The following RNF144B variants were observed in gnomAD, a reference collection of about 807,000 sequenced individuals.
The protein encoded by RNF144B is E3 ubiquitin-protein ligase RNF144B.
In RNF144B, 25 loss-of-function variants were observed where a neutral mutation model predicts 40.2. The observed-to-expected ratio is 0.62, with a 90% CI of 0.45 to 0.87. The LOEUF (loss-of-function observed/expected upper bound fraction) is 0.87. RNF144B is among the 40% of genes least tolerant of loss of function. The pLI, the probability that RNF144B is intolerant of heterozygous loss-of-function variation, is 0.00. For missense variants in RNF144B, 365 were observed against 373.7 expected (o/e 0.98, Z 0.19); for synonymous variants, 145 against 136.3 (o/e 1.06, Z -0.44).
intron 3 of RNF144B, among the ~76,000 whole-genome samples, chr6:18,427,982 C>G (rs1299094122): frequency 6.6e-6 from 1 of 152,126 alleles, no homozygotes; most frequent in African/African-American, 2.4e-5. Context: ...TGATTTGGCT[C>G]TGTGTCCCCA....
At chr6:18,409,092 T>C (rs1794977003) in intron 2 of RNF144B, among the ~76,000 whole-genome samples, 1 of 151,980 alleles carries the variant, frequency 6.6e-6, no homozygotes, top group African/African-American at 2.4e-5. Flanking sequence ...CACAATTCTA[T>C]AGAAACTGGA....
In RNF144B at chr6:18,460,306, G is replaced by A. The variant is rs924691014; in HGVS notation, c.681+555G>A. Reference sequence around the variant, plus strand: ...TCTCTCACTCCCTTCTTTCTTAGTCGTTGCTCCCTCTGACCACAGCTGGGA... The same window carrying A: ...TCTCTCACTCCCTTCTTTCTTAGTCATTGCTCCCTCTGACCACAGCTGGGA... On this transcript the variant is annotated intron_variant, in intron 6 of 7. Transcript: ENST00000259939. This position sits in a 1 kb window ranked among gnomAD's most constrained non-coding sequence, Gnocchi z 4.4. Among the ~76,000 whole-genome samples, 1 of 152,064 alleles carries A rather than the reference G, an allele frequency of 6.6e-6. No homozygotes were observed. Among genetic ancestry groups the A allele is most frequent in the Non-Finnish European group, 1.5e-5 (1 of 68,020 alleles).
At chr6:18,439,661 A>C (rs754222618) in intron 3 of RNF144B, 23 bp from the exon 4 acceptor site, 1 of 1,590,564 alleles carries the variant, frequency 6.3e-7, no homozygotes, top group Admixed American at 1.7e-5. Context: ...TGAAGTCTCA[A>C]CCTTTTATGT....
rs763844613 is a variant in RNF144B at position 18,457,291 on chromosome 6, C to T, written c.468C>T (p.Cys156=). 5.0e-6 allele frequency: 8 copies of T among 1,614,184 alleles called. No individual in the cohort carries two copies. Among genetic ancestry groups the T allele is most frequent in the East Asian group, 2.2e-5 (1 of 44,870 alleles). ...PSCHLKFCSC[C]KDAWHAEVSC... ...GCCACCTGAAATTCTGCTCGTGTTGCAAGGATGCTTGGCATGCAGAGGTCT... is the reference window on the plus strand; with the variant it reads ...GCCACCTGAAATTCTGCTCGTGTTGTAAGGATGCTTGGCATGCAGAGGTCT... The change falls in exon 5 of 8, where the codon TGC becomes TGT. Residue 156 remains cysteine, a synonymous_variant. Coordinates refer to ENST00000259939, the MANE Select transcript of RNF144B (RefSeq NM_182757.4). The surrounding 1 kb of genome is among the most constrained non-coding windows in gnomAD (Gnocchi z 5.1).
rs1157544870 is a variant in RNF144B, at chr6:18,395,550, A to G, written c.-36-3949A>G. Among the ~76,000 whole-genome samples, 3 of 151,688 alleles carry G rather than the reference A, an allele frequency of 2.0e-5. No individual in the cohort carries two copies. The highest frequency in any genetic ancestry group is 4.4e-5 in the Non-Finnish European group (3 of 67,962). On this transcript the variant is annotated intron_variant, in intron 1 of 7. Coordinates refer to ENST00000259939, the MANE Select transcript of RNF144B (RefSeq NM_182757.4). The surrounding 1 kb of genome is among the most constrained non-coding windows in gnomAD (Gnocchi z 4.5). ...GAAGAGCTCATTTTGCAATGAATCA[A>G]TGGTGAAAGGATTTCTTGTTTGATA...
intron 2 of RNF144B, among the ~76,000 whole-genome samples, chr6:18,423,521 C>T (rs1403563761): frequency 6.6e-6 from 1 of 152,106 alleles, no homozygotes; most frequent in East Asian, 1.9e-4. Flanking sequence ...TTTGCCATGT[C>T]CATCATAATA....
chr6:18,449,697 G>GTATATATATATATATATATA (rs70974745), intron 4 of RNF144B, among the ~76,000 whole-genome samples: 11 of 149,284 alleles, frequency 7.4e-5, no homozygotes, highest in Admixed American at 4.0e-4. Flanking sequence ...GTGTTTTGAA[G>GTATATATATATATATATATA]TATATATATA....
rs138797625 is a variant in RNF144B, at chr6:18,405,772, A to T, written c.165+6073A>T. 9.8e-5 allele frequency among the ~76,000 whole-genome samples: 15 copies of T among 152,340 alleles called. No individual in the cohort carries two copies. The East Asian group carries it at 2.9e-3, about 29-fold the overall frequency. On this transcript the variant is annotated intron_variant, in intron 2 of 7. Coordinates refer to ENST00000259939, the MANE Select transcript of RNF144B (RefSeq NM_182757.4). This position sits in a 1 kb window ranked among gnomAD's most constrained non-coding sequence, Gnocchi z 4.5. ...GAAATGGATTAGAGATGACTCAAGGAGGAGCTGGCTTCCTGGACCTATGAT... is the reference window on the plus strand; with the variant it reads ...GAAATGGATTAGAGATGACTCAAGGTGGAGCTGGCTTCCTGGACCTATGAT...
In RNF144B at chr6:18,460,885, A is replaced by C. The variant is rs977695460; in HGVS notation, c.681+1134A>C. On this transcript the variant is annotated intron_variant, in intron 6 of 7. Transcript: ENST00000259939. This position sits in a 1 kb window ranked among gnomAD's most constrained non-coding sequence, Gnocchi z 4.4. ...TTGGGGTAACATAAGTTGTTTATAG[A>C]TAACACTCTGTTTTGGCAATTTGGA... is the stretch of plus-strand genomic sequence containing the variant. Among the ~76,000 whole-genome samples the C allele has an allele frequency of 6.6e-6, 1 of 152,222 alleles. No homozygotes were observed. The highest frequency in any genetic ancestry group is 2.4e-5 in the African/African-American group (1 of 41,464).
chr6:18,403,485 T>G (rs1794833099), intron 2 of RNF144B, among the ~76,000 whole-genome samples: 1 of 152,238 alleles, frequency 6.6e-6, no homozygotes, highest in Non-Finnish European at 1.5e-5. Context: ...ATTCTTGCCT[T>G]TTTTCCATTA....
At position 18,391,663 on chromosome 6, in the gene RNF144B, C is replaced by T. The variant is rs372545090; in HGVS notation, c.-37+4033C>T. Reference sequence around the variant, plus strand: ...TGGGCTGATCACGAGGTCAGGAGATCGAGACCATCCTGGCAAACACGGTGA... The same window carrying T: ...TGGGCTGATCACGAGGTCAGGAGATTGAGACCATCCTGGCAAACACGGTGA... On this transcript the variant is annotated intron_variant, in intron 1 of 7. Coordinates refer to ENST00000259939, the MANE Select transcript of RNF144B (RefSeq NM_182757.4). Among the ~76,000 whole-genome samples the T allele has an allele frequency of 3.3e-5, 5 of 151,208 alleles. No individual in the cohort carries two copies. In the East Asian group the frequency reaches 7.9e-4, roughly 24 times the overall value.
intron 2 of RNF144B, among the ~76,000 whole-genome samples, chr6:18,424,598 A>G (rs1758506804): frequency 1.3e-5 from 2 of 150,694 alleles, no homozygotes; most frequent in African/African-American, 4.9e-5. Flanking sequence ...TGTGGTTTGT[A>G]GTGTACCTAG....
chr6:18,417,653 AT>A (rs753296397), intron 2 of RNF144B, among the ~76,000 whole-genome samples: 11 of 152,080 alleles, frequency 7.2e-5, no homozygotes, highest in Non-Finnish European at 1.6e-4. Context: ...AAATAGAAAA[AT>A]TTTCATGATC....
In RNF144B at chr6:18,468,473, G is replaced by T. The variant is rs554604842; in HGVS notation, c.*3406G>T. ...TTCATGAAAATATCTACTTATCCAG[G>T]TTTGCAAATGTACATGTTCATTTGA... On this transcript the variant is annotated 3_prime_UTR_variant, in exon 8 of 8. Coordinates refer to ENST00000259939, the MANE Select transcript of RNF144B (RefSeq NM_182757.4). 7 of 152,102 alleles carry T rather than the reference G, an allele frequency of 4.6e-5. No individual in the cohort carries two copies. The highest frequency in any genetic ancestry group is 7.4e-5 in the Non-Finnish European group (5 of 68,016). 9.4% of individuals were successfully genotyped at this position (152,102 alleles called of 1,614,324 possible). A position where few individuals can be genotyped will look rare whatever the true frequency, so the allele number is the denominator to read the frequency against.
At chr6:18,438,268 T>G (rs1350513159) in intron 3 of RNF144B, among the ~76,000 whole-genome samples, 1 of 152,180 alleles carries the variant, frequency 6.6e-6, no homozygotes, top group Non-Finnish European at 1.5e-5. Flanking sequence ...CTGGGTAGCA[T>G]TATAACAGAT....
intron 1 of RNF144B, among the ~76,000 whole-genome samples, chr6:18,389,778 G>A (rs1582392708): frequency 6.6e-6 from 1 of 152,314 alleles, no homozygotes; most frequent in South Asian, 2.1e-4. Context: ...GACAAGTCAT[G>A]CTTTTCACTT....
rs527135 is a variant in RNF144B at position 18,466,446 on chromosome 6, A to G, written c.*1379A>G. The G allele has an allele frequency of 1.3e-5, 2 of 152,438 alleles. No homozygotes were observed. Among genetic ancestry groups the G allele is most frequent in the Admixed American group, 1.3e-4 (2 of 15,290 alleles). 9.4% of individuals were successfully genotyped at this position (152,438 alleles called of 1,614,324 possible). On this transcript the variant is annotated 3_prime_UTR_variant, in exon 8 of 8. Coordinates refer to ENST00000259939, the MANE Select transcript of RNF144B (RefSeq NM_182757.4). ...AAATAAAATAGAAATGCTTTATATA[A>G]TTTAGTTTAAATTTATGTATCACCT... is the stretch of plus-strand genomic sequence containing the variant.
intron 2 of RNF144B, among the ~76,000 whole-genome samples, chr6:18,407,571 A>T (rs1386723469): frequency 6.6e-6 from 1 of 152,194 alleles, no homozygotes; most frequent in Non-Finnish European, 1.5e-5. Flanking sequence ...TGACTATTCA[A>T]TTATTGGAAA....
rs1454318986 is a variant in RNF144B, at chr6:18,405,180, A to ATTATTG, written c.165+5486_165+5487insGTTATT. ...TATTATTATTATTATTATTATTGTT[A>ATTATTG]TTATTATTTTTGAGATGGAGTCTTG... On this transcript the variant is annotated intron_variant, in intron 2 of 7. Transcript: ENST00000259939. This position sits in a 1 kb window ranked among gnomAD's most constrained non-coding sequence, Gnocchi z 4.5. Among the ~76,000 whole-genome samples the ATTATTG allele has an allele frequency of 7.3e-6, 1 of 137,818 alleles. No homozygotes were observed. Among genetic ancestry groups the ATTATTG allele is most frequent in the Non-Finnish European group, 1.6e-5 (1 of 61,806 alleles). 90.4% of individuals were successfully genotyped at this position (137,818 alleles called of 152,430 possible).
Sources: gnomAD v4.1 joint callset for allele counts (sites outside exome capture counted in the v4.1 genomes callset) on GRCh38, gnomAD v4.1.1 for gene constraint, Gnocchi (gnomAD v3.1) non-coding constraint, MANE v1.5 for transcripts, NCBI Gene and HGNC (gene_info 2026-07-23, HGNC 2026-07-21) for gene names.